The following LAMB1 variants were observed in gnomAD, a reference collection of about 807,000 sequenced individuals.
The protein encoded by LAMB1 is laminin subunit beta 1.
A neutral mutation model predicts 222.3 loss-of-function variants in LAMB1; 121 were observed. The observed-to-expected ratio is 0.54, with a 90% CI of 0.47 to 0.63. The LOEUF (loss-of-function observed/expected upper bound fraction) is 0.63. LAMB1 is among the 30% of genes least tolerant of loss of function. LAMB1 has a pLI of 0.00. For synonymous variants in LAMB1, 794 were observed against 807.2 expected (o/e 0.98, Z 0.28); for missense variants, 2,172 against 2,240.8 (o/e 0.97, Z 0.62).
At chr7:107,972,321 C>T (rs1249773690) in intron 13 of LAMB1, among the ~76,000 whole-genome samples, 1 of 152,176 alleles carries the variant, frequency 6.6e-6, no homozygotes, top group East Asian at 1.9e-4. Flanking sequence ...TCTGGGAAGA[C>T]TCAAGGCCAC....
Position 107,963,072 on chromosome 7 carries a change from A to G in LAMB1, c.1699-9T>C. On this transcript the variant is annotated splice_polypyrimidine_tract_variant and intron_variant, in intron 14 of 33. Transcript: ENST00000222399. ...TCCACTATGCTAACCCCCTGAGGGC[A>G]TGGCAAACAATGGTTATTCTGTATT... 2.5e-6 allele frequency: 4 copies of G among 1,589,490 alleles called. No individual in the cohort carries two copies. The highest frequency in any genetic ancestry group is 1.8e-5 in the Admixed American group (1 of 55,346).
chr7:107,992,891 T>G (rs1385321583), intron 5 of LAMB1, among the ~76,000 whole-genome samples: 1 of 152,140 alleles, frequency 6.6e-6, no homozygotes, highest in Non-Finnish European at 1.5e-5. Context: ...CAAGACTCAG[T>G]ATTTAAAAAA....
intron 17 of LAMB1, 22 bp from the exon 18 acceptor site, chr7:107,960,671 C>T (rs750576370): frequency 6.2e-7 from 1 of 1,605,272 alleles, no homozygotes; most frequent in Non-Finnish European, 8.5e-7. Flanking sequence ...TGAGAACGGC[C>T]AAACATCCTT....
Position 107,961,245 on chromosome 7 carries a change from AGAG to A in LAMB1, c.2067_2069del (p.Ser690del). The stretch of plus-strand genomic sequence containing the variant: ...TGTAGGGGCTCTCCACGTCGCTATC[AGAG>A]GAGGTGTACTGAGGCAGCTCCAACC... On this transcript the variant is annotated inframe_deletion, in exon 17 of 34. Transcript: ENST00000222399. 9 of 1,614,084 alleles carry A rather than the reference AGAG, an allele frequency of 5.6e-6. No individual in the cohort carries two copies. The highest frequency in any genetic ancestry group is 7.6e-6 in the Non-Finnish European group (9 of 1,180,016).
At chr7:107,980,539 A>T in intron 8 of LAMB1, 70 bp downstream of exon 8, 1 of 1,283,494 alleles carries the variant, frequency 7.8e-7, no homozygotes, top group Non-Finnish European at 1.1e-6. Context: ...GGCTTAAGGT[A>T]AGACTAGCTT....
chr7:107,986,461 A>C, intron 5 of LAMB1, 98 bp from the exon 6 acceptor site: 1 of 933,902 alleles, frequency 1.1e-6, no homozygotes, highest in Non-Finnish European at 1.6e-6. Flanking sequence ...CATGCCACAA[A>C]CTTGAACTGC....
intron 7 of LAMB1, among the ~76,000 whole-genome samples, chr7:107,983,908 G>A (rs1454467381): frequency 5.3e-5 from 8 of 152,134 alleles, no homozygotes; most frequent in Non-Finnish European, 8.8e-5. Flanking sequence ...AAAGAGCTCT[G>A]AACTGAGCAC....
chr7:107,965,038 G>A (rs749932221), intron 13 of LAMB1, among the ~76,000 whole-genome samples: 21 of 152,286 alleles, frequency 1.4e-4, no homozygotes, highest in Non-Finnish European at 2.1e-4. Flanking sequence ...GCTCCCTGAA[G>A]AACATCTCCA....
At chr7:107,973,172 T>C in intron 12 of LAMB1, 101 bp from the exon 13 acceptor site, 1 of 949,300 alleles carries the variant, frequency 1.1e-6, no homozygotes, top group South Asian at 1.3e-5. Flanking sequence ...TTCCACCAAA[T>C]GCTCATTTTC....
chr7:107,931,242 TTTC>T (rs1411749890), intron 29 of LAMB1, 111 bp downstream of exon 29: 3 of 898,898 alleles, frequency 3.3e-6, no homozygotes, highest in Non-Finnish European at 5.1e-6. Flanking sequence ...TACGGACGTT[TTTC>T]TTATTTGGAA....
intron 5 of LAMB1, among the ~76,000 whole-genome samples, chr7:107,994,146 G>C (rs1365339590): frequency 6.6e-6 from 1 of 152,150 alleles, no homozygotes; most frequent in Non-Finnish European, 1.5e-5. Flanking sequence ...CTAAATTATG[G>C]GTTTTCTGTG....
In LAMB1 at chr7:107,972,258, G is replaced by C. The variant is rs140247199; in HGVS notation, c.1562+734C>G. On this transcript the variant is annotated intron_variant, in intron 13 of 33. Transcript: ENST00000222399. ...ATGGTGTTGGGAAATAATTGGGAAA[G>C]AAAGTCCATTTTTGAGTACATGAAG... 1.2e-4 allele frequency among the ~76,000 whole-genome samples: 19 copies of C among 152,342 alleles called. No homozygotes were observed. In the East Asian group the frequency reaches 3.5e-3, roughly 28 times the overall value.
chr7:107,991,081 A>T (rs974826891), intron 5 of LAMB1, among the ~76,000 whole-genome samples: 3 of 151,856 alleles, frequency 2.0e-5, no homozygotes, highest in Non-Finnish European at 4.4e-5. Flanking sequence ...TTTGGTATTA[A>T]TTTTTTTTAA....
Position 107,955,561 on chromosome 7 carries a change from TGGGCAA to T in LAMB1, c.2754_2759del (p.Cys919_Pro920del), listed in dbSNP as rs754574591. Reference sequence around the variant, plus strand: ...ACTGGCGTCCACTGTCGGGACCATCTGGGCAAGGGCAAGGGCGGCAGTGATCTCCTG... The same window carrying T: ...ACTGGCGTCCACTGTCGGGACCATCTGGGCAAGGGCGGCAGTGATCTCCTG... On this transcript the variant is annotated inframe_deletion, in exon 21 of 34. Transcript: ENST00000222399. 6.2e-7 allele frequency: 1 copy of T among 1,614,116 alleles called. No homozygotes were observed. The highest frequency in any genetic ancestry group is 8.5e-7 in the Non-Finnish European group (1 of 1,180,002).
chr7:107,980,459 A>G, intron 8 of LAMB1, 150 bp downstream of exon 8: 1 of 614,148 alleles, frequency 1.6e-6, no homozygotes, highest in Non-Finnish European at 2.9e-6. Flanking sequence ...AAAATCAACA[A>G]TCAGCTACCT....
chr7:107,936,034 C>A (rs1329735562), intron 26 of LAMB1, among the ~76,000 whole-genome samples: 1 of 152,152 alleles, frequency 6.6e-6, no homozygotes, highest in East Asian at 1.9e-4. Context: ...AGTAGCCCTC[C>A]ATATTTGTAG....
chr7:107,961,249 G>A lies in LAMB1; in HGVS notation c.2066C>T (p.Ser689Phe), dbSNP rs748640005. 1.2e-6 allele frequency: 2 copies of A among 1,614,052 alleles called. No homozygotes were observed. The highest frequency in any genetic ancestry group is 4.5e-5 in the East Asian group (2 of 44,876). The change falls in exon 17 of 34, where the codon TCC becomes TTC. Residue 689 changes from serine to phenylalanine, a missense_variant. By Grantham distance (155) the Ser-to-Phe change is radical. Transcript: ENST00000222399. ...TVRLELPQYT[S>F]SDSDVESPYT... ...GGGGCTCTCCACGTCGCTATCAGAG[G>A]AGGTGTACTGAGGCAGCTCCAACCT...
At chr7:108,001,402 C>T (rs1390057591) in intron 3 of LAMB1, among the ~76,000 whole-genome samples, 156 bp downstream of exon 3, 2 of 152,138 alleles carry the variant, frequency 1.3e-5, no homozygotes, top group East Asian at 3.9e-4. Flanking sequence ...TGAGATGGGG[C>T]GAAAGGTTGA....
At chr7:107,952,288 C>A in intron 22 of LAMB1, 65 bp from the exon 23 acceptor site, 1 of 1,232,690 alleles carries the variant, frequency 8.1e-7, no homozygotes, top group Non-Finnish European at 1.1e-6. Flanking sequence ...CGGATGTTAG[C>A]CACATCTAAA....
Sources: gnomAD v4.1 joint callset for allele counts (sites outside exome capture counted in the v4.1 genomes callset) on GRCh38, gnomAD v4.1.1 for gene constraint, MANE v1.5 for transcripts, NCBI Gene and HGNC (gene_info 2026-07-23, HGNC 2026-07-21) for gene names.